LRFN3: variants seen among roughly 807,000 people sequenced by gnomAD.
LRFN3 encodes the protein leucine rich repeat and fibronectin type III domain containing 3.
Under a neutral mutation model 23.8 loss-of-function variants are expected in LRFN3, and 8 were observed. That is an observed-to-expected ratio of 0.34 (90% CI 0.20 to 0.61). The LOEUF (loss-of-function observed/expected upper bound fraction) is 0.61. Among genes scored for constraint, LRFN3 ranks in the 20% least tolerant of loss-of-function variants. The pLI is 0.80. For synonymous variants in LRFN3, 451 were observed against 450.6 expected (o/e 1.00, Z -0.01); for missense variants, 736 against 935.3 (o/e 0.79, Z 2.78).
rs370283131 is a variant in LRFN3, at chr19:35,939,869, C to T, written c.444C>T (p.Ala148=). 5.7e-5 allele frequency: 92 copies of T among 1,601,146 alleles called. No individual in the cohort carries two copies. The highest frequency in any genetic ancestry group is 1.6e-4 in the Middle Eastern group (1 of 6,084). Residue 148 remains alanine, a synonymous_variant, in exon 2 of 3, where the codon GCC becomes GCT. Transcript: ENST00000246529. The surrounding 1 kb of genome is among the most constrained non-coding windows in gnomAD (Gnocchi z 6.4). ...LSNNQLAALA[A]GALDDCAETL... ...ACAACCAGCTGGCAGCGCTGGCGGC[C>T]GGCGCCCTGGATGATTGTGCCGAGA...
chr19:35,944,721 C>G lies in LRFN3; in HGVS notation c.1589C>G (p.Pro530Arg). Residue 530 changes from proline (P) to arginine (R), a missense_variant, in exon 3 of 3, where the codon CCG becomes CGG. By Grantham distance (103) the Pro-to-Arg change is moderately radical (BLOSUM62 -2). This residue lies in a region of LRFN3 where 290 missense variants were observed against 287.4 expected (regional missense o/e 1.01). Transcript: ENST00000246529. The surrounding 1 kb of genome is among the most constrained non-coding windows in gnomAD (Gnocchi z 4.5). ...TEPALRPCGA[P>R]HAPFLGGTMI... ...CCTGCGCTGCGGCCATGCGGGGCGC[C>G]GCACGCTCCCTTCCTGGGCGGCACG... 6.2e-7 allele frequency: 1 copy of G among 1,605,376 alleles called. No homozygotes were observed. The highest frequency in any genetic ancestry group is 8.5e-7 in the Non-Finnish European group (1 of 1,176,588).
Position 35,939,563 on chromosome 19 carries a change from A to T in LRFN3, c.138A>T (p.Pro46=), listed in dbSNP as rs2242590. The part of the protein sequence containing the change: ...TQSLPLSVLC[P]GAGLLFVPPS... ...CGCTGCCCCTAAGCGTGCTGTGCCC[A>T]GGGGCAGGCCTCCTGTTCGTGCCAC... The change falls in exon 2 of 3, where the codon CCA becomes CCT. Residue 46 remains proline, a synonymous_variant. Coordinates refer to ENST00000246529, the MANE Select transcript of LRFN3 (RefSeq NM_024509.2). The surrounding 1 kb of genome is among the most constrained non-coding windows in gnomAD (Gnocchi z 6.4). 1.9e-6 allele frequency: 3 copies of T among 1,608,444 alleles called. No individual in the cohort carries two copies. Among genetic ancestry groups the T allele is most frequent in the East Asian group, 2.2e-5 (1 of 44,846 alleles).
At chr19:35,942,585 A>G (rs1976134916) in intron 2 of LRFN3, among the ~76,000 whole-genome samples, 1 of 152,194 alleles carries the variant, frequency 6.6e-6, no homozygotes, top group South Asian at 2.1e-4. Flanking sequence ...GGGACCTAGT[A>G]GTACCTGGAT....
chr19:35,942,171 C>T (rs976866371), intron 2 of LRFN3, among the ~76,000 whole-genome samples: 9 of 152,196 alleles, frequency 5.9e-5, no homozygotes, highest in Non-Finnish European at 1.3e-4. Context: ...CCTGAGCCAC[C>T]GCGCCCGACA....
rs114129252 is a variant in LRFN3, at chr19:35,944,567, C to A, written c.1435C>A (p.Arg479Ser). ...CTGCAGGATGATCCCGGCGGAGAGC[C>A]GCTCGTTCCTGCTGACGGACCTGGC... is the stretch of plus-strand genomic sequence containing the variant. ...LVYRMIPAES[R>S]SFLLTDLASG... The change falls in exon 3 of 3, where the codon CGC becomes AGC. Residue 479 changes from arginine to serine, a missense_variant. Physicochemically the swap from Arg to Ser is moderately radical, Grantham distance 110 (BLOSUM62 -1). This residue lies in a region of LRFN3 where 290 missense variants were observed against 287.4 expected (regional missense o/e 1.01). Coordinates refer to ENST00000246529, the MANE Select transcript of LRFN3 (RefSeq NM_024509.2). The surrounding 1 kb of genome is among the most constrained non-coding windows in gnomAD (Gnocchi z 4.5). 18 of 1,468,908 alleles carry A rather than the reference C, an allele frequency of 1.2e-5. No homozygotes were observed. The highest frequency in any genetic ancestry group is 2.4e-5 in the Admixed American group (1 of 41,530). 91.0% of individuals were successfully genotyped at this position (1,468,908 alleles called of 1,614,324 possible). A position where few individuals can be genotyped will look rare whatever the true frequency, so the allele number is the denominator to read the frequency against.
Position 35,939,063 on chromosome 19 carries a change from G to A in LRFN3, c.-16-347G>A, listed in dbSNP as rs1240362638. ...AGCCTCAAATTCTTGGGCTCAAATT[G>A]ATCCTCCCACCTCAGTGTCCCATGT... On this transcript the variant is annotated intron_variant, in intron 1 of 2. Coordinates refer to ENST00000246529, the MANE Select transcript of LRFN3 (RefSeq NM_024509.2). The surrounding 1 kb of genome is among the most constrained non-coding windows in gnomAD (Gnocchi z 6.4). Among the ~76,000 whole-genome samples, 1 of 152,136 alleles carries A rather than the reference G, an allele frequency of 6.6e-6. No homozygotes were observed. Among genetic ancestry groups the A allele is most frequent in the Non-Finnish European group, 1.5e-5 (1 of 68,028 alleles).
chr19:35,939,737 C>A lies in LRFN3; in HGVS notation c.312C>A (p.Ala104=). ...GCCACGTGGCTGCCGGCGCCTTCGCCGACCTGCGGGCCCTGCGTGCCCTGC... is the reference window on the plus strand; with the variant it reads ...GCCACGTGGCTGCCGGCGCCTTCGCAGACCTGCGGGCCCTGCGTGCCCTGC... ...TIRHVAAGAF[A]DLRALRALHL... The change falls in exon 2 of 3, where the codon GCC becomes GCA. Residue 104 remains alanine, a synonymous_variant. Coordinates refer to ENST00000246529, the MANE Select transcript of LRFN3 (RefSeq NM_024509.2). The surrounding 1 kb of genome is among the most constrained non-coding windows in gnomAD (Gnocchi z 6.4). 1 of 1,603,666 alleles carries A rather than the reference C, an allele frequency of 6.2e-7. No individual in the cohort carries two copies. Among genetic ancestry groups the A allele is most frequent in the East Asian group, 2.2e-5 (1 of 44,788 alleles).
rs1976108734 is a variant in LRFN3 at position 35,940,658 on chromosome 19, C to T, written c.1233C>T (p.Pro411=). The T allele has an allele frequency of 1.9e-6, 3 of 1,612,746 alleles. No homozygotes were observed. The highest frequency in any genetic ancestry group is 1.7e-4 in the Middle Eastern group (1 of 6,058). The part of the protein sequence containing the change: ...RDGDPDALTP[P]SAASASAKVA... ...GGGATCCTGATGCTCTCACCCCACC[C>T]TCCGCTGCCTCTGCTTCTGCCAAGG... Residue 411 remains proline (P), a synonymous_variant, in exon 2 of 3, where the codon CCC becomes CCT. Transcript: ENST00000246529.
chr19:35,939,593 G>A lies in LRFN3; in HGVS notation c.168G>A (p.Ser56=), dbSNP rs879310875. The change falls in exon 2 of 3, where the codon TCG becomes TCA. Residue 56 remains serine (S), a synonymous_variant. Transcript: ENST00000246529. This position sits in a 1 kb window ranked among gnomAD's most constrained non-coding sequence, Gnocchi z 6.4. ...CAGGCCTCCTGTTCGTGCCACCCTC[G>A]CTGGACCGCCGGGCAGCCGAGCTGC... is the stretch of plus-strand genomic sequence containing the variant. The part of the protein sequence containing the change: ...PGAGLLFVPP[S]LDRRAAELRL... 1.6e-5 allele frequency: 26 copies of A among 1,608,710 alleles called. No individual in the cohort carries two copies. Among genetic ancestry groups the A allele is most frequent in the East Asian group, 4.5e-5 (2 of 44,872 alleles).
intron 1 of LRFN3, among the ~76,000 whole-genome samples, 183 bp downstream of exon 1, chr19:35,937,738 C>T (rs540744061): frequency 2.8e-4 from 42 of 152,308 alleles, no homozygotes; most frequent in African/African-American, 9.6e-4. Context: ...ATCCTTGCCC[C>T]TCTCTGACCT....
rs1976169086 is a variant in LRFN3, at chr19:35,945,436, C to T, written c.*417C>T. ...AGCCCTGAGCCCTGCCCGCAGGGGC[C>T]TAAAGTCAAATGGGAGACAGACACA... On this transcript the variant is annotated 3_prime_UTR_variant, in exon 3 of 3. Transcript: ENST00000246529. 1 of 164,314 alleles carries T rather than the reference C, an allele frequency of 6.1e-6. No individual in the cohort carries two copies. Among genetic ancestry groups the T allele is most frequent in the Non-Finnish European group, 1.3e-5 (1 of 76,642 alleles). The allele number at this position is 164,314 out of a possible 1,614,324, so 10.2% of individuals were successfully genotyped here. A position where few individuals can be genotyped will look rare whatever the true frequency, so the allele number is the denominator to read the frequency against.
chr19:35,940,013 C>G lies in LRFN3; in HGVS notation c.588C>G (p.Pro196=). The part of the protein sequence containing the change: ...GLDHNLLASV[P]AGAFSRLHKL... ...ACCACAACCTGCTGGCTTCTGTGCC[C>G]GCCGGCGCTTTTTCCCGCCTGCACA... Residue 196 remains proline, a synonymous_variant, in exon 2 of 3, where the codon CCC becomes CCG. Coordinates refer to ENST00000246529, the MANE Select transcript of LRFN3 (RefSeq NM_024509.2). 7 of 1,612,206 alleles carry G rather than the reference C, an allele frequency of 4.3e-6. No individual in the cohort carries two copies. Among genetic ancestry groups the G allele is most frequent in the Non-Finnish European group, 5.9e-6 (7 of 1,179,852 alleles).
At chr19:35,938,519 C>T (rs1976081608) in intron 1 of LRFN3, among the ~76,000 whole-genome samples, 1 of 152,156 alleles carries the variant, frequency 6.6e-6, no homozygotes, top group Non-Finnish European at 1.5e-5. Flanking sequence ...TCTCTGGCCA[C>T]CTCTCCTCTC....
chr19:35,938,859 G>T (rs79086166), intron 1 of LRFN3, among the ~76,000 whole-genome samples: 2 of 152,020 alleles, frequency 1.3e-5, no homozygotes, highest in Admixed American at 1.3e-4. Context: ...TGGCTGCCCC[G>T]TCTCCCCATG....
chr19:35,938,457 T>A (rs1260611732), intron 1 of LRFN3, among the ~76,000 whole-genome samples: 1 of 149,434 alleles, frequency 6.7e-6, no homozygotes, highest in African/African-American at 2.5e-5. Flanking sequence ...TGCCCTCTGA[T>A]CATCTCTGGC....
At chr19:35,938,833 A>G (rs1012571542) in intron 1 of LRFN3, among the ~76,000 whole-genome samples, 2 of 151,768 alleles carry the variant, frequency 1.3e-5, no homozygotes, top group Admixed American at 1.3e-4. Context: ...ACCACTTCTG[A>G]TCATTGTTGC....
Position 35,940,529 on chromosome 19 carries a change from G to A in LRFN3, c.1104G>A (p.Ala368=), listed in dbSNP as rs779478301. The A allele has an allele frequency of 1.1e-5, 17 of 1,612,450 alleles. No individual in the cohort carries two copies. Among genetic ancestry groups the A allele is most frequent in the African/African-American group, 8.0e-5 (6 of 74,940 alleles). ...PGDGGIFTCI[A]ANAAGEATAA... is the part of the protein sequence containing the mutation. ...ATGGTGGCATCTTCACCTGCATTGC[G>A]GCCAATGCAGCTGGCGAGGCCACAG... Residue 368 remains alanine, a synonymous_variant, in exon 2 of 3, where the codon GCG becomes GCA. Coordinates refer to ENST00000246529, the MANE Select transcript of LRFN3 (RefSeq NM_024509.2).
chr19:35,936,461 G>A lies in LRFN3; in HGVS notation c.-1111G>A, dbSNP rs1289940696. 2.2e-5 allele frequency: 2 copies of A among 89,572 alleles called. No homozygotes were observed. Among genetic ancestry groups the A allele is most frequent in the Non-Finnish European group, 4.9e-5 (2 of 41,202 alleles). The allele number at this position is 89,572 out of a possible 1,614,324, so 5.5% of individuals were successfully genotyped here. A position where few individuals can be genotyped will look rare whatever the true frequency, so the allele number is the denominator to read the frequency against. The stretch of plus-strand genomic sequence containing the variant: ...GGCCCGCCCAGCCCGGCCCCCGCCC[G>A]GCCCCCGCCTCGGCCCCGGCGGGGG... On this transcript the variant is annotated 5_prime_UTR_variant, in exon 1 of 3. Transcript: ENST00000246529.
Position 35,939,759 on chromosome 19 carries a change from C to T in LRFN3, c.334C>T (p.Leu112=). 6.2e-7 allele frequency: 1 copy of T among 1,604,928 alleles called. No individual in the cohort carries two copies. Among genetic ancestry groups the T allele is most frequent in the Middle Eastern group, 1.7e-4 (1 of 6,060 alleles). Residue 112 remains leucine, a synonymous_variant, in exon 2 of 3, where the codon CTG becomes TTG. Transcript: ENST00000246529. This position sits in a 1 kb window ranked among gnomAD's most constrained non-coding sequence, Gnocchi z 6.4. ...AFADLRALRA[L]HLDGNRLTSL... is the part of the protein sequence containing the mutation. ...CGCCGACCTGCGGGCCCTGCGTGCC[C>T]TGCACCTGGATGGCAACCGGCTGAC...
Sources: allele counts gnomAD v4.1 joint callset (sites outside exome capture counted in the v4.1 genomes callset), GRCh38; gene constraint gnomAD v4.1.1; regional missense constraint gnomAD v4.1.1; non-coding constraint Gnocchi (gnomAD v3.1); transcripts MANE v1.5; gene names NCBI Gene and HGNC (gene_info 2026-07-23, HGNC 2026-07-21).